Variants in FARP1 observed in about 807,000 individuals in gnomAD.
FARP1 encodes the protein FERM, ARHGEF and pleckstrin domain-containing protein 1.
In FARP1, 52 loss-of-function variants were observed where a neutral mutation model predicts 128.8. The observed-to-expected ratio is 0.40, with a 90% CI of 0.32 to 0.51. The LOEUF (loss-of-function observed/expected upper bound fraction) is 0.51, where lower values mean the gene tolerates loss of function less well. Ranked by LOEUF, FARP1 falls within the 20% of genes least tolerant of loss-of-function variation. The pLI is 0.45. For synonymous variants in FARP1, 580 were observed against 551.8 expected (o/e 1.05, Z -0.72); for missense variants, 1,333 against 1,367.9 (o/e 0.97, Z 0.40).
At chr13:98,410,481 G>A (rs1456320111) in intron 14 of FARP1, among the ~76,000 whole-genome samples, 1 of 152,134 alleles carries the variant, frequency 6.6e-6, no homozygotes, top group Non-Finnish European at 1.5e-5. Flanking sequence ...TTCTCATCAT[G>A]GAAATCCATT....
At chr13:98,299,173 G>T (rs1222143581) in intron 2 of FARP1, among the ~76,000 whole-genome samples, 1 of 152,106 alleles carries the variant, frequency 6.6e-6, no homozygotes, top group Admixed American at 6.5e-5. Context: ...CATTTGAACC[G>T]ACAGCAACTA....
In FARP1 at chr13:98,448,527, T is replaced by TG. The variant is rs1344411225; in HGVS notation, c.*215dup. 7.0e-6 allele frequency: 4 copies of TG among 570,796 alleles called. No individual in the cohort carries two copies. The Admixed American group carries it at 9.4e-5, about 13-fold the overall frequency. 35.4% of individuals were successfully genotyped at this position (570,796 alleles called of 1,614,324 possible). A position where few individuals can be genotyped will look rare whatever the true frequency, so the allele number is the denominator to read the frequency against. ...TCCCACCTCCAGTCCTGGCATCCGC[T>TG]GGGGGCGCTGTTCTTTAGCTAGTGC... is the stretch of plus-strand genomic sequence containing the variant. On this transcript the variant is annotated 3_prime_UTR_variant, in exon 27 of 27. Transcript: ENST00000319562.
intron 2 of FARP1, among the ~76,000 whole-genome samples, chr13:98,244,067 C>T (rs1383544387): frequency 2.0e-5 from 3 of 151,980 alleles, no homozygotes; most frequent in Non-Finnish European, 2.9e-5. Flanking sequence ...TCTCTGGGGC[C>T]ATTTGAACTT....
chr13:98,353,519 C>T (rs1211319804), intron 3 of FARP1, among the ~76,000 whole-genome samples: 1 of 152,148 alleles, frequency 6.6e-6, no homozygotes, highest in East Asian at 1.9e-4. Context: ...GCTAGGATCA[C>T]AGGCATGTGC....
chr13:98,412,329 T>G (rs560512936), intron 16 of FARP1, among the ~76,000 whole-genome samples: 1 of 152,198 alleles, frequency 6.6e-6, no homozygotes, highest in African/African-American at 2.4e-5. Context: ...GCAATAGGGA[T>G]TATAAAGAGT....
chr13:98,144,523 T>C (rs1437897146), intron 1 of FARP1, among the ~76,000 whole-genome samples: 1 of 152,154 alleles, frequency 6.6e-6, no homozygotes. Context: ...CTTGTCAGTT[T>C]ACCAGGTTTG....
intron 1 of FARP1, among the ~76,000 whole-genome samples, chr13:98,179,934 T>A (rs1371357249): frequency 6.6e-6 from 1 of 152,154 alleles, no homozygotes; most frequent in Non-Finnish European, 1.5e-5. Flanking sequence ...TTCCCACCTT[T>A]GGTTGTTCCC....
chr13:98,217,553 A>C lies in FARP1; in HGVS notation c.171+4140A>C, dbSNP rs369634943. 4.3e-4 allele frequency among the ~76,000 whole-genome samples: 66 copies of C among 152,296 alleles called. No homozygotes were observed. The East Asian group carries it at 0.013, about 29-fold the overall frequency. Reference sequence around the variant, plus strand: ...AGCTCCTGAGACTTAAGTAGCATTCATCCTTTGCCTGAGGATCAAGTGTGG... The same window carrying C: ...AGCTCCTGAGACTTAAGTAGCATTCCTCCTTTGCCTGAGGATCAAGTGTGG... On this transcript the variant is annotated intron_variant, in intron 2 of 26. Coordinates refer to ENST00000319562, the MANE Select transcript of FARP1 (RefSeq NM_005766.4).
intron 1 of FARP1, among the ~76,000 whole-genome samples, chr13:98,183,898 T>C (rs1435214529): frequency 1.3e-5 from 2 of 152,186 alleles, no homozygotes; most frequent in African/African-American, 4.8e-5. Flanking sequence ...CTTAGCGCCC[T>C]GGCTCTCTGA....
At chr13:98,338,600 A>G (rs948026711) in intron 2 of FARP1, 1 of 152,166 alleles carries the variant, frequency 6.6e-6, no homozygotes, top group Non-Finnish European at 1.5e-5. Flanking sequence ...GCTTTTGGCT[A>G]TTGTGAATAA....
At chr13:98,276,858 C>G (rs1177786028) in intron 2 of FARP1, among the ~76,000 whole-genome samples, 1 of 151,854 alleles carries the variant, frequency 6.6e-6, no homozygotes, top group Non-Finnish European at 1.5e-5. Flanking sequence ...GGTGTGTGAC[C>G]CAGCAAGGGG....
chr13:98,388,747 G>C (rs1890195368), intron 9 of FARP1, among the ~76,000 whole-genome samples: 1 of 152,204 alleles, frequency 6.6e-6, no homozygotes, highest in South Asian at 2.1e-4. Context: ...CGCAGATTCA[G>C]GCAGCCCCTC....
intron 2 of FARP1, among the ~76,000 whole-genome samples, chr13:98,236,197 C>G (rs918258105): frequency 6.6e-6 from 1 of 152,160 alleles, no homozygotes; most frequent in Non-Finnish European, 1.5e-5. Context: ...AAATAACCCT[C>G]ATCACATGGC....
rs180898691 is a variant in FARP1, at chr13:98,351,673, C to T, written c.276+7807C>T. Among the ~76,000 whole-genome samples, 50 of 151,498 alleles carry T rather than the reference C, an allele frequency of 3.3e-4. 1 individual carries two copies. The highest frequency in any genetic ancestry group is 1.7e-3 in the Admixed American group (26 of 15,218). On this transcript the variant is annotated intron_variant, in intron 3 of 26. Transcript: ENST00000319562. ...TTTAATTGGCTCATGGTTCTGTAGG[C>T]TCTATAAGCATGGTGAGGCCTCAGG...
At chr13:98,244,267 A>T (rs1335571473) in intron 2 of FARP1, among the ~76,000 whole-genome samples, 1 of 152,132 alleles carries the variant, frequency 6.6e-6, no homozygotes, top group Non-Finnish European at 1.5e-5. Context: ...TCCTAGCTTT[A>T]TTGAGATATA....
At chr13:98,331,106 C>A (rs1480873279) in intron 2 of FARP1, among the ~76,000 whole-genome samples, 1 of 152,144 alleles carries the variant, frequency 6.6e-6, no homozygotes, top group African/African-American at 2.4e-5. Flanking sequence ...TCTTATTTCC[C>A]AGAACTGTGG....
chr13:98,316,234 C>G (rs1170139263), intron 2 of FARP1, among the ~76,000 whole-genome samples: 1 of 152,174 alleles, frequency 6.6e-6, no homozygotes, highest in Non-Finnish European at 1.5e-5. Flanking sequence ...CCCCTACTCT[C>G]AGATGTGGAC....
chr13:98,180,016 G>A (rs567332671), intron 1 of FARP1, among the ~76,000 whole-genome samples: 8 of 152,258 alleles, frequency 5.3e-5, no homozygotes, highest in African/African-American at 7.2e-5. Flanking sequence ...TGCCGGGCTA[G>A]GGAAAGGGTA....
intron 2 of FARP1, among the ~76,000 whole-genome samples, chr13:98,289,791 T>TC (rs79726179): frequency 0.047 from 7,147 of 152,170 alleles, 239 homozygotes; most frequent in Middle Eastern, 0.14. Context: ...GCAGACGCCC[T>TC]CCCGAAAGCC....
Sources: gnomAD v4.1 joint callset for allele counts (sites outside exome capture counted in the v4.1 genomes callset) on GRCh38, gnomAD v4.1.1 for gene constraint, MANE v1.5 for transcripts, NCBI Gene and HGNC (gene_info 2026-07-23, HGNC 2026-07-21) for gene names.